The following DYNC2H1 variants were observed in gnomAD, a reference collection of about 807,000 sequenced individuals.
DYNC2H1 encodes the protein dynein cytoplasmic 2 heavy chain 1.
In DYNC2H1, 410 loss-of-function variants were observed where a neutral mutation model predicts 570.0. That is an observed-to-expected ratio of 0.72 (90% CI 0.66 to 0.78). The LOEUF is 0.78. Among genes scored for constraint, DYNC2H1 ranks in the 30% least tolerant of loss-of-function variants. DYNC2H1 has a pLI of 0.00. For missense variants in DYNC2H1, 4,865 were observed against 5,046.4 expected, an observed-to-expected ratio of 0.96 and a Z score of 1.09; for synonymous variants, 1,688 against 1,677.6, an observed-to-expected ratio of 1.01 and a Z score of -0.15.
chr11:103,409,352 T>A (rs1942992677), intron 84 of DYNC2H1, among the ~76,000 whole-genome samples: 1 of 152,086 alleles, frequency 6.6e-6, no homozygotes, highest in Admixed American at 6.6e-5. Flanking sequence ...TTATTGCTTC[T>A]ATTAAGTAAT....
In DYNC2H1 at chr11:103,283,048, T is replaced by C; in HGVS notation, c.10853T>C (p.Ile3618Thr). The C allele has an allele frequency of 6.2e-7, 1 of 1,608,972 alleles. No individual in the cohort carries two copies. The highest frequency in any genetic ancestry group is 8.5e-7 in the Non-Finnish European group (1 of 1,177,252). Residue 3618 changes from isoleucine to threonine, a missense_variant, in exon 73 of 89, where the codon ATA becomes ACA. This residue lies in a region of DYNC2H1 where 2,401 missense variants were observed against 2,454.6 expected (regional missense o/e 0.98). Coordinates refer to ENST00000375735, the MANE Select transcript of DYNC2H1 (RefSeq NM_001377.3). The stretch of plus-strand genomic sequence containing the variant: ...ATACGTGATCAGCTTCCGTCTTGGA[T>C]AGATCAGGAACGAAGCTGGGCCGTG... ...QKIRDQLPSW[I>T]DQERSWAVAT...
chr11:103,114,133 A>C lies in DYNC2H1; in HGVS notation c.397A>C (p.Lys133Gln). ...GGAATGGAGCAGAAACTTTGATCCCAAACTTCAGAATCTTTTGAGTGAACT... is the reference window on the plus strand; with the variant it reads ...GGAATGGAGCAGAAACTTTGATCCCCAACTTCAGAATCTTTTGAGTGAACT... The part of the protein sequence containing the change: ...DQEWSRNFDP[K>Q]LQNLLSELEA... Residue 133 changes from lysine to glutamine, a missense_variant, in exon 3 of 89, where the codon AAA becomes CAA. Physicochemically the swap from Lys to Gln is moderately conservative, Grantham distance 53 (BLOSUM62 1). Around this residue, in one of 5 missense-constraint regions of DYNC2H1, gnomAD observed 1,936 missense variants for 1,962.1 expected, o/e 0.99. Transcript: ENST00000375735. 6.2e-7 allele frequency: 1 copy of C among 1,610,548 alleles called. No individual in the cohort carries two copies. Among genetic ancestry groups the C allele is most frequent in the Non-Finnish European group, 8.5e-7 (1 of 1,178,242 alleles).
chr11:103,116,235 G>C (rs1308690070), intron 4 of DYNC2H1, among the ~76,000 whole-genome samples: 3 of 152,052 alleles, frequency 2.0e-5, no homozygotes, highest in African/African-American at 7.2e-5. Flanking sequence ...AAAGACATGC[G>C]AACTACAGTG....
chr11:103,392,799 A>G (rs1161009660), intron 83 of DYNC2H1, among the ~76,000 whole-genome samples: 1 of 151,920 alleles, frequency 6.6e-6, no homozygotes, highest in Admixed American at 6.6e-5. Flanking sequence ...GGTTTCCTTT[A>G]AGCAAGTACA....
At chr11:103,415,127 A>C (rs1943235850) in intron 84 of DYNC2H1, among the ~76,000 whole-genome samples, 1 of 152,222 alleles carries the variant, frequency 6.6e-6, no homozygotes, top group African/African-American at 2.4e-5. Flanking sequence ...AGAAAGCTGA[A>C]ACTGGATCCC....
chr11:103,307,878 T>A, intron 78 of DYNC2H1, 47 bp downstream of exon 78: 1 of 1,125,752 alleles, frequency 8.9e-7, no homozygotes, highest in South Asian at 1.5e-5. Context: ...AAAGCAGTAC[T>A]CTATACATGA....
chr11:103,165,913 G>A lies in DYNC2H1; in HGVS notation c.4627G>A (p.Glu1543Lys). ...TATTCAATAGATTTTATGCTTGGCGGAGCAGATTAAATTCACTGAAGATGT... is the reference window on the plus strand; with the variant it reads ...TATTCAATAGATTTTATGCTTGGCGAAGCAGATTAAATTCACTGAAGATGT... ...LFPSQILCLA[E>K]QIKFTEDVEN... Residue 1543 changes from glutamate (E) to lysine (K), a missense_variant, in exon 31 of 89, where the codon GAG becomes AAG. This residue lies in a region of DYNC2H1 where 1,936 missense variants were observed against 1,962.1 expected (regional missense o/e 0.99). Transcript: ENST00000375735. 1 of 1,501,622 alleles carries A rather than the reference G, an allele frequency of 6.7e-7. No homozygotes were observed. The highest frequency in any genetic ancestry group is 2.6e-5 in the East Asian group (1 of 38,280). The allele number at this position is 1,501,622 out of a possible 1,614,324, so 93.0% of individuals were successfully genotyped here.
At chr11:103,278,623 A>G (rs1195881126) in intron 70 of DYNC2H1, among the ~76,000 whole-genome samples, 1 of 151,912 alleles carries the variant, frequency 6.6e-6, no homozygotes, top group East Asian at 1.9e-4. Flanking sequence ...GGAGTATGCA[A>G]TGGGGAGATC....
Position 103,245,241 on chromosome 11 carries a change from A to G in DYNC2H1, c.9919-10A>G, listed in dbSNP as rs1490860298. On this transcript the variant is annotated splice_polypyrimidine_tract_variant and intron_variant, in intron 64 of 88. Coordinates refer to ENST00000375735, the MANE Select transcript of DYNC2H1 (RefSeq NM_001377.3). This position sits in a 1 kb window ranked among gnomAD's most constrained non-coding sequence, Gnocchi z 4.5. ...AAATAATTAATACGTATTCTTTTTT[A>G]TTCAATTAGGATAGTAACTTTATCA... 1 of 1,508,472 alleles carries G rather than the reference A, an allele frequency of 6.6e-7. No homozygotes were observed. Among genetic ancestry groups the G allele is most frequent in the Admixed American group, 2.2e-5 (1 of 44,518 alleles). The allele number at this position is 1,508,472 out of a possible 1,614,324, so 93.4% of individuals were successfully genotyped here.
chr11:103,354,851 G>A (rs1443478739), intron 82 of DYNC2H1, among the ~76,000 whole-genome samples: 1 of 147,744 alleles, frequency 6.8e-6, no homozygotes, highest in Non-Finnish European at 1.5e-5. Context: ...ACATTGTGCA[G>A]TACCAGATGA....
intron 50 of DYNC2H1, among the ~76,000 whole-genome samples, chr11:103,200,872 G>C (rs1862692445): frequency 6.6e-6 from 1 of 152,148 alleles, no homozygotes; most frequent in South Asian, 2.1e-4. Context: ...CTGTCGCCAG[G>C]CTGGAGTGCA....
chr11:103,169,022 G>A (rs1221970579), intron 32 of DYNC2H1, 62 bp downstream of exon 32: 2 of 1,374,348 alleles, frequency 1.5e-6, no homozygotes, highest in Non-Finnish European at 1.9e-6. Context: ...AAGAAAATTT[G>A]TTATTGGTAG....
chr11:103,124,277 T>C (rs531527320), intron 11 of DYNC2H1, among the ~76,000 whole-genome samples: 1 of 151,814 alleles, frequency 6.6e-6, no homozygotes, highest in African/African-American at 2.4e-5. Flanking sequence ...CGAAATCCTG[T>C]CTCTACAAAA....
Position 103,304,735 on chromosome 11 carries a change from A to C in DYNC2H1, c.11382+15A>C. Reference sequence around the variant, plus strand: ...TTCTGGAAAAGGTAGATTCAGATAAATGTACAAATAATATCTATTATACTC... The same window carrying C: ...TTCTGGAAAAGGTAGATTCAGATAACTGTACAAATAATATCTATTATACTC... On this transcript the variant is annotated intron_variant, in intron 77 of 88. Transcript: ENST00000375735. 1 of 1,595,806 alleles carries C rather than the reference A, an allele frequency of 6.3e-7. No individual in the cohort carries two copies. Among genetic ancestry groups the C allele is most frequent in the African/African-American group, 1.4e-5 (1 of 71,766 alleles).
intron 19 of DYNC2H1, 30 bp downstream of exon 19, chr11:103,147,917 C>T (rs1454843121): frequency 2.1e-6 from 3 of 1,459,368 alleles, no homozygotes; most frequent in Middle Eastern, 3.8e-4. Flanking sequence ...TTTATTTTTA[C>T]TTAATTTGAT....
Position 103,261,210 on chromosome 11 carries a change from A to C in DYNC2H1, c.10695+1233A>C, listed in dbSNP as rs1865267351. On this transcript the variant is annotated intron_variant, in intron 70 of 88. Coordinates refer to ENST00000375735, the MANE Select transcript of DYNC2H1 (RefSeq NM_001377.3). This position sits in a 1 kb window ranked among gnomAD's most constrained non-coding sequence, Gnocchi z 4.8. ...AACACCCCCAGTCAGGGGCTTATAG[A>C]TAAAACTCCCATCTCCCTGAGACAG... 6.6e-6 allele frequency among the ~76,000 whole-genome samples: 1 copy of C among 152,194 alleles called. No homozygotes were observed. The highest frequency in any genetic ancestry group is 2.4e-5 in the African/African-American group (1 of 41,460).
intron 84 of DYNC2H1, among the ~76,000 whole-genome samples, chr11:103,425,791 T>C (rs1057396500): frequency 4.2e-4 from 64 of 151,832 alleles, no homozygotes; most frequent in Admixed American, 7.2e-4. Flanking sequence ...TCAAAATAAT[T>C]ATACATAACA....
chr11:103,152,337 A>G (rs1860600990), intron 21 of DYNC2H1, 52 bp downstream of exon 21: 1 of 1,495,520 alleles, frequency 6.7e-7, no homozygotes, highest in Non-Finnish European at 9.0e-7. Flanking sequence ...CTTACTTAAG[A>G]TTTCTTGCTT....
chr11:103,297,205 T>C (rs1168629828), intron 75 of DYNC2H1, among the ~76,000 whole-genome samples: 1 of 152,152 alleles, frequency 6.6e-6, no homozygotes, highest in Non-Finnish European at 1.5e-5. Context: ...ATGTCTCAAA[T>C]TTAATGTGAT....
Sources: gnomAD v4.1 joint callset for allele counts (sites outside exome capture counted in the v4.1 genomes callset) on GRCh38, gnomAD v4.1.1 for gene constraint, gnomAD v4.1.1 regional missense constraint, Gnocchi (gnomAD v3.1) non-coding constraint, MANE v1.5 for transcripts, NCBI Gene and HGNC (gene_info 2026-07-23, HGNC 2026-07-21) for gene names.